The following DTNB variants were observed in gnomAD, a reference collection of about 807,000 sequenced individuals.
DTNB encodes the protein dystrobrevin beta.
A neutral mutation model predicts 90.7 loss-of-function variants in DTNB; 63 were observed. That is an observed-to-expected ratio of 0.69 (90% CI 0.57 to 0.86). The LOEUF (loss-of-function observed/expected upper bound fraction) is 0.86. Ranked by LOEUF, DTNB falls within the 40% of genes least tolerant of loss-of-function variation. The pLI is 0.00. For synonymous variants in DTNB, 277 were observed against 286.7 expected, an observed-to-expected ratio of 0.97 and a Z score of 0.34; for missense variants, 744 against 807.1, an observed-to-expected ratio of 0.92 and a Z score of 0.95.
intron 8 of DTNB, among the ~76,000 whole-genome samples, chr2:25,541,908 G>A (rs775868445): frequency 2.0e-5 from 3 of 152,082 alleles, no homozygotes; most frequent in Admixed American, 6.6e-5. Context: ...TCTTAGGGTC[G>A]CCAATAAAAT....
intron 16 of DTNB, among the ~76,000 whole-genome samples, chr2:25,411,384 CAA>C (rs1169730821): frequency 6.6e-6 from 1 of 151,776 alleles, no homozygotes; most frequent in Non-Finnish European, 1.5e-5. Context: ...AAAGAAAAAC[CAA>C]ACCTATTTTT....
At chr2:25,441,357 A>G (rs1048098495) in intron 12 of DTNB, among the ~76,000 whole-genome samples, 3 of 152,156 alleles carry the variant, frequency 2.0e-5, no homozygotes, top group Admixed American at 2.0e-4. Flanking sequence ...GATTGCTTTA[A>G]TTCTTTCAAT....
intron 9 of DTNB, among the ~76,000 whole-genome samples, chr2:25,514,738 G>C (rs1041278857): frequency 3.5e-5 from 5 of 142,976 alleles, no homozygotes; most frequent in Non-Finnish European, 6.0e-5. Flanking sequence ...ACCCACGCTG[G>C]AGTGCAGTGG....
At chr2:25,533,013 C>T (rs777646515) in intron 8 of DTNB, among the ~76,000 whole-genome samples, 5 of 152,102 alleles carry the variant, frequency 3.3e-5, no homozygotes, top group African/African-American at 4.8e-5. Context: ...CTACTATTCC[C>T]GTCAACATAC....
chr2:25,443,546 G>A (rs1375349517), intron 12 of DTNB, among the ~76,000 whole-genome samples: 1 of 152,206 alleles, frequency 6.6e-6, no homozygotes, highest in Non-Finnish European at 1.5e-5. Flanking sequence ...AATGTGGCAA[G>A]ATGAGTTCCA....
chr2:25,455,309 C>T (rs2059842304), intron 11 of DTNB, 96 bp downstream of exon 11: 1 of 1,134,580 alleles, frequency 8.8e-7, no homozygotes, highest in African/African-American at 1.6e-5. Context: ...AAAAACCTGA[C>T]ATGCAGTTTT....
At chr2:25,529,921 A>T (rs2077838197) in intron 9 of DTNB, among the ~76,000 whole-genome samples, 1 of 152,216 alleles carries the variant, frequency 6.6e-6, no homozygotes, top group African/African-American at 2.4e-5. Flanking sequence ...CAGATGGCAG[A>T]CGTTAGGAGG....
At chr2:25,383,941 C>A in intron 18 of DTNB, 52 bp from the exon 19 acceptor site, 3 of 1,613,630 alleles carry the variant, frequency 1.9e-6, no homozygotes, top group Non-Finnish European at 1.7e-6. Flanking sequence ...AGGACAAGTA[C>A]AGAAGGAGGG....
chr2:25,421,674 G>A (rs12472283), intron 15 of DTNB, among the ~76,000 whole-genome samples: 29,972 of 152,194 alleles, frequency 0.2, 3,635 homozygotes, highest in Non-Finnish European at 0.27. Flanking sequence ...AATTGTATCC[G>A]AGGTCAAAAG....
intron 6 of DTNB, among the ~76,000 whole-genome samples, chr2:25,585,028 T>C (rs1018413197): frequency 4.6e-5 from 7 of 152,338 alleles, no homozygotes; most frequent in African/African-American, 1.7e-4. Context: ...TAAATAATTT[T>C]ATGAAAGGCA....
chr2:25,586,769 A>G (rs906986584), intron 6 of DTNB, among the ~76,000 whole-genome samples: 74 of 152,100 alleles, frequency 4.9e-4, no homozygotes, highest in African/African-American at 1.7e-3. Flanking sequence ...TTTTTGGAGG[A>G]GAGACAGAAA....
intron 1 of DTNB, among the ~76,000 whole-genome samples, chr2:25,654,076 G>C (rs1412582519): frequency 6.6e-6 from 1 of 152,120 alleles, no homozygotes; most frequent in East Asian, 1.9e-4. Flanking sequence ...TTACAAATGA[G>C]GAAACAAAAG....
chr2:25,560,388 G>C (rs2058076967), intron 8 of DTNB, among the ~76,000 whole-genome samples: 1 of 152,226 alleles, frequency 6.6e-6, no homozygotes, highest in Non-Finnish European at 1.5e-5. Flanking sequence ...CTGTGTAAAA[G>C]AGATGGCCTT....
intron 10 of DTNB, among the ~76,000 whole-genome samples, chr2:25,482,069 C>A (rs2065082254): frequency 2.0e-5 from 3 of 152,120 alleles, no homozygotes. Flanking sequence ...TTGTGGTTTT[C>A]TTGTTTCTGA....
intron 10 of DTNB, among the ~76,000 whole-genome samples, chr2:25,471,985 T>A (rs929434454): frequency 6.6e-6 from 1 of 152,236 alleles, no homozygotes; most frequent in Non-Finnish European, 1.5e-5. Context: ...TTAATTTCCC[T>A]GCTCTGAATG....
At chr2:25,404,809 C>T (rs1283036545) in intron 16 of DTNB, among the ~76,000 whole-genome samples, 5 of 152,052 alleles carry the variant, frequency 3.3e-5, no homozygotes, top group South Asian at 2.1e-4. Flanking sequence ...GAGCCGAGAT[C>T]GTGCCATTGC....
chr2:25,501,038 A>T (rs536501141), intron 9 of DTNB, among the ~76,000 whole-genome samples: 1 of 152,342 alleles, frequency 6.6e-6, no homozygotes, highest in Admixed American at 6.5e-5. Context: ...TAAGATCCTC[A>T]GGCCCCTAAA....
intron 9 of DTNB, among the ~76,000 whole-genome samples, chr2:25,500,593 T>G (rs1164612720): frequency 6.6e-6 from 1 of 152,206 alleles, no homozygotes; most frequent in Non-Finnish European, 1.5e-5. Context: ...TCTAAGTCTC[T>G]GCTGAAAAGA....
intron 16 of DTNB, among the ~76,000 whole-genome samples, chr2:25,406,593 T>C (rs1013311212): frequency 6.7e-6 from 1 of 149,834 alleles, no homozygotes; most frequent in African/African-American, 2.5e-5. Context: ...CATAGTGAAA[T>C]CCCATCTCTA....
Sources: allele counts gnomAD v4.1 joint callset (sites outside exome capture counted in the v4.1 genomes callset), GRCh38; gene constraint gnomAD v4.1.1; transcripts MANE v1.5; gene names NCBI Gene and HGNC (gene_info 2026-07-23, HGNC 2026-07-21).